TSC2: variants seen among roughly 807,000 people sequenced by gnomAD.
TSC2 encodes tuberin.
In TSC2, 29 loss-of-function variants were observed where a neutral mutation model predicts 202.2. The ratio of observed to expected loss-of-function variants is 0.14; its 90% CI spans 0.11 to 0.20. The LOEUF (loss-of-function observed/expected upper bound fraction) is 0.20, where lower values mean the gene tolerates loss of function less well. TSC2 is among the 10% of genes least tolerant of loss of function. The probability of loss-of-function intolerance (pLI) is 1.00; values close to 1 mark genes in which losing one functional copy is unlikely to be tolerated. For synonymous variants in TSC2, 1,349 were observed against 1,044.0 expected (o/e 1.29, Z -5.63); for missense variants, 2,429 against 2,420.0 (o/e 1.00, Z -0.08).
intron 16 of TSC2, 92 bp from the exon 17 acceptor site, chr16:2,070,364 G>T: frequency 6.2e-7 from 1 of 1,607,870 alleles, no homozygotes; most frequent in Admixed American, 1.7e-5. Context: ...CTCTAGAGCA[G>T]CCGCCCCGGC....
rs547484057 is a variant in TSC2 at position 2,078,079 on chromosome 16, C to T, written c.2966+353C>T. Among the ~76,000 whole-genome samples the T allele has an allele frequency of 5.9e-5, 9 of 152,274 alleles. No homozygotes were observed. In the South Asian group the frequency reaches 6.2e-4, roughly 11 times the overall value. ...ATTCTCTAGAATGGACGTTTTTCTT[C>T]GGGCTTTCTTCTCAACAAGGTTTAT... On this transcript the variant is annotated intron_variant, in intron 26 of 41. Coordinates refer to ENST00000219476, the MANE Select transcript of TSC2 (RefSeq NM_000548.5).
rs143128054 is a variant in TSC2 at position 2,075,994 on chromosome 16, G to A, written c.2640-74G>A. 9.6e-4 allele frequency: 1,551 copies of A among 1,612,492 alleles called. 12 individuals carry two copies. The African/African-American group carries it at 0.015, about 15-fold the overall frequency. Reference sequence around the variant, plus strand: ...TTTGTCCCCAAGGCCTGAGCGCCTCGGTTTTTTGCACTTCATGCCCTGGGG... The same window carrying A: ...TTTGTCCCCAAGGCCTGAGCGCCTCAGTTTTTTGCACTTCATGCCCTGGGG... On this transcript the variant is annotated intron_variant, in intron 23 of 41. Transcript: ENST00000219476.
rs760978505 is a variant in TSC2, at chr16:2,088,109, C to T, written c.5130C>T (p.Phe1710=). 6.7e-5 allele frequency: 108 copies of T among 1,612,962 alleles called. No homozygotes were observed. The highest frequency in any genetic ancestry group is 8.1e-5 in the Non-Finnish European group (95 of 1,180,012). Reference sequence around the variant, plus strand: ...TCGTGTCTGACCGCAACCTGCCCTTCGTGGCCCGCCAGATGGCCCTGCACG... The same window carrying T: ...TCGTGTCTGACCGCAACCTGCCCTTTGTGGCCCGCCAGATGGCCCTGCACG... ...AKIVSDRNLP[F]VARQMALHAN... Residue 1710 remains phenylalanine (F), a synonymous_variant, in exon 40 of 42, where the codon TTC becomes TTT. Transcript: ENST00000219476.
At chr16:2,077,522 C>T (rs1054154608) in intron 25 of TSC2, 76 bp from the exon 26 acceptor site, 16 of 1,604,808 alleles carry the variant, frequency 1.0e-5, no homozygotes, top group Non-Finnish European at 1.4e-5. Flanking sequence ...TTCCTCCTCA[C>T]CCCTCCACTG....
At position 2,060,836 on chromosome 16, in the gene TSC2, G is replaced by A. The variant is rs180840428; in HGVS notation, c.1119+23G>A. ...CAGGTGGGGTGGGGGCAGGAGCTCC[G>A]GGGAGCACCGGGAACCCAGACAGGC... On this transcript the variant is annotated intron_variant, in intron 11 of 41. Transcript: ENST00000219476. 243 of 1,611,286 alleles carry A rather than the reference G, an allele frequency of 1.5e-4. 1 individual carries two copies. Among genetic ancestry groups the A allele is most frequent in the Admixed American group, 1.3e-3 (78 of 59,974 alleles).
chr16:2,058,764 C>T lies in TSC2; in HGVS notation c.866C>T (p.Ala289Val), dbSNP rs755631210. ...LMEDRAYMEDAPLLRGAVFFV... is the reference protein window; with the variant it reads ...LMEDRAYMEDVPLLRGAVFFV... ...ACTTTTAGAGCCTACATGGAGGACG[C>T]GCCCCTGCTGAGAGGAGCCGTGTTT... The change falls in exon 10 of 42, where the codon GCG becomes GTG. Residue 289 changes from alanine (A) to valine (V), a missense_variant. Coordinates refer to ENST00000219476, the MANE Select transcript of TSC2 (RefSeq NM_000548.5). 10 of 1,585,976 alleles carry T rather than the reference C, an allele frequency of 6.3e-6. No individual in the cohort carries two copies. In the Admixed American group the frequency reaches 9.1e-5, roughly 14 times the overall value.
chr16:2,061,552 G>T, intron 11 of TSC2: 1 of 443,566 alleles, frequency 2.3e-6, no homozygotes. Context: ...AGCTGCATGG[G>T]CACAGCCAAG....
At chr16:2,055,572 C>A in intron 6 of TSC2, 53 bp downstream of exon 6, 1 of 1,544,474 alleles carries the variant, frequency 6.5e-7, no homozygotes, top group Non-Finnish European at 9.0e-7. Context: ...TTCAGCTCCG[C>A]AGTGAATAAA....
chr16:2,084,127 T>G (rs571718451), intron 33 of TSC2, 101 bp from the exon 34 acceptor site: 1 of 1,542,846 alleles, frequency 6.5e-7, no homozygotes, highest in Admixed American at 2.0e-5. Flanking sequence ...TCTGTGGCCC[T>G]GGGATGGAGG....
intron 21 of TSC2, 34 bp downstream of exon 21, chr16:2,073,017 GGGGCCTGGGATTCGA>G (rs752686220): frequency 2.5e-6 from 4 of 1,612,886 alleles, no homozygotes; most frequent in Non-Finnish European, 3.4e-6. Flanking sequence ...CGAGCTTGAT[GGGGCCTGGGATTCGA>G]GGGCCTGGCC....
rs141631268 is a variant in TSC2 at position 2,065,597 on chromosome 16, G to A, written c.1678G>A (p.Val560Met). The A allele has an allele frequency of 5.0e-6, 8 of 1,613,736 alleles. No individual in the cohort carries two copies. Among genetic ancestry groups the A allele is most frequent in the Non-Finnish European group, 6.8e-6 (8 of 1,180,024 alleles). Residue 560 changes from valine (V) to methionine (M), a missense_variant, in exon 16 of 42, where the codon GTG (valine) becomes ATG (methionine). Val to Met is a conservative substitution (Grantham distance 21, BLOSUM62 1). Transcript: ENST00000219476. Reference sequence around the variant, plus strand: ...CGCATACTCGGCCTCCTTGGAGGATGTGAAGACAGCCGTCCTGGGGCTTCT... The same window carrying A: ...CGCATACTCGGCCTCCTTGGAGGATATGAAGACAGCCGTCCTGGGGCTTCT... Reference protein sequence around the residue: ...VAAYSASLEDVKTAVLGLLVI... With the variant: ...VAAYSASLEDMKTAVLGLLVI...
At chr16:2,066,651 C>CTTTTTTTTT (rs34619573) in intron 16 of TSC2, among the ~76,000 whole-genome samples, 14 of 98,474 alleles carry the variant, frequency 1.4e-4, no homozygotes, top group Non-Finnish European at 1.4e-4. Flanking sequence ...TCTGATTTAT[C>CTTTTTTTTT]TTTTTTTTTT....
chr16:2,080,989 T>A (rs1346344368), intron 30 of TSC2: 2 of 172,730 alleles, frequency 1.2e-5, no homozygotes, highest in Admixed American at 5.4e-5. Context: ...CAGTTGGTTT[T>A]TTCCCTGTGT....
intron 35 of TSC2, 25 bp downstream of exon 35, chr16:2,085,051 A>G: frequency 1.2e-6 from 2 of 1,611,344 alleles, no homozygotes; most frequent in Non-Finnish European, 8.5e-7. Context: ...CCTCTCCTGC[A>G]TCCGCTGGAG....
At chr16:2,074,519 C>A in intron 22 of TSC2, 130 bp downstream of exon 22, 1 of 1,165,524 alleles carries the variant, frequency 8.6e-7, no homozygotes, top group Non-Finnish European at 1.2e-6. Flanking sequence ...GCCTCAGGGC[C>A]TGGGCGTCTC....
At chr16:2,070,099 AC>A (rs113202319) in intron 16 of TSC2, among the ~76,000 whole-genome samples, 5,242 of 152,044 alleles carry the variant, frequency 0.034, 280 homozygotes, top group African/African-American at 0.12. Flanking sequence ...ACCTTGCCAC[AC>A]GTGTCTGGGA....
intron 16 of TSC2, among the ~76,000 whole-genome samples, chr16:2,067,021 G>A (rs576805976): frequency 3.9e-5 from 6 of 152,036 alleles, no homozygotes; most frequent in South Asian, 2.1e-4. Context: ...TGTCAGTATC[G>A]TGTAAAATAT....
Position 2,086,296 on chromosome 16 carries a change from C to T in TSC2, c.4766C>T (p.Pro1589Leu), listed in dbSNP as rs373635516. The change falls in exon 37 of 42, where the codon CCG becomes CTG. Residue 1589 changes from proline to leucine, a missense_variant. By Grantham distance (98) the Pro-to-Leu change is moderately conservative. Coordinates refer to ENST00000219476, the MANE Select transcript of TSC2 (RefSeq NM_000548.5). ...CTCATCGAGCTGAAGGACTGCCAGCCGGACAAGGTGTACCTGGGAGGCCTG... is the reference window on the plus strand; with the variant it reads ...CTCATCGAGCTGAAGGACTGCCAGCTGGACAAGGTGTACCTGGGAGGCCTG... Reference protein sequence around the residue: ...GRLIELKDCQPDKVYLGGLDV... With the variant: ...GRLIELKDCQLDKVYLGGLDV... 10 of 1,612,784 alleles carry T rather than the reference C, an allele frequency of 6.2e-6. No individual in the cohort carries two copies. Among genetic ancestry groups the T allele is most frequent in the South Asian group, 2.2e-5 (2 of 91,092 alleles).
chr16:2,062,957 G>A lies in TSC2; in HGVS notation c.1362-15G>A, dbSNP rs1360683344. 6 of 1,548,924 alleles carry A rather than the reference G, an allele frequency of 3.9e-6. No homozygotes were observed. Among genetic ancestry groups the A allele is most frequent in the East Asian group, 2.4e-5 (1 of 40,910 alleles). ...GGGCACTCCCCACCCGCCCCAGCAG[G>A]CTGCCGTCCCGCAGGAGCGAGTCCC... is the stretch of plus-strand genomic sequence containing the variant. On this transcript the variant is annotated splice_polypyrimidine_tract_variant and intron_variant, in intron 13 of 41. Transcript: ENST00000219476.
Sources: gnomAD v4.1 joint callset for allele counts (sites outside exome capture counted in the v4.1 genomes callset) on GRCh38, gnomAD v4.1.1 for gene constraint, MANE v1.5 for transcripts, NCBI Gene and HGNC (gene_info 2026-07-23, HGNC 2026-07-21) for gene names.